The following RLF variants were observed in gnomAD, a reference collection of about 807,000 sequenced individuals.
RLF encodes zinc finger protein Rlf.
A neutral mutation model predicts 162.9 loss-of-function variants in RLF; 7 were observed. The observed-to-expected ratio is 0.04, with a 90% CI of 0.02 to 0.08. The LOEUF (loss-of-function observed/expected upper bound fraction) is 0.08. Among genes scored for constraint, RLF ranks in the 10% least tolerant of loss-of-function variants. The probability of loss-of-function intolerance (pLI) is 1.00; values close to 1 mark genes in which losing one functional copy is unlikely to be tolerated. For synonymous variants in RLF, 782 were observed against 791.5 expected, an observed-to-expected ratio of 0.99 and a Z score of 0.20; for missense variants, 1,664 against 2,244.7, an observed-to-expected ratio of 0.74 and a Z score of 5.23.
intron 6 of RLF, among the ~76,000 whole-genome samples, chr1:40,230,842 C>T (rs1341108085): frequency 6.6e-6 from 1 of 152,190 alleles, no homozygotes; most frequent in African/African-American, 2.4e-5. Flanking sequence ...CTATCCTTGG[C>T]ATTGTTGAGT....
rs760134779 is a variant in RLF at position 40,235,777 on chromosome 1, C to T, written c.1090-15C>T. On this transcript the variant is annotated splice_polypyrimidine_tract_variant and intron_variant, in intron 7 of 7. Coordinates refer to ENST00000372771, the MANE Select transcript of RLF (RefSeq NM_012421.4). Reference sequence around the variant, plus strand: ...TATGCAAAAAAATAATTTTTTTATCCTCTTTTACTTACAGGCACAAGATGC... The same window carrying T: ...TATGCAAAAAAATAATTTTTTTATCTTCTTTTACTTACAGGCACAAGATGC... 3.4e-6 allele frequency: 5 copies of T among 1,480,974 alleles called. No individual in the cohort carries two copies. In the South Asian group the frequency reaches 5.8e-5, roughly 17 times the overall value. 91.7% of individuals were successfully genotyped at this position (1,480,974 alleles called of 1,614,324 possible). A position where few individuals can be genotyped will look rare whatever the true frequency, so the allele number is the denominator to read the frequency against.
rs201248962 is a variant in RLF, at chr1:40,161,572, C to G, written c.173C>G (p.Thr58Arg). Residue 58 changes from threonine (T) to arginine (R), a missense_variant, in exon 1 of 8, where the codon ACA becomes AGA. Physicochemically the swap from Thr to Arg is moderately conservative, Grantham distance 71. Transcript: ENST00000372771. The surrounding 1 kb of genome is among the most constrained non-coding windows in gnomAD (Gnocchi z 4.4). ...GLRPCLWQLE[T>R]ELREQEVSEV... ...CGGCCGTGTCTGTGGCAGCTGGAGA[C>G]AGAGCTGAGGGAGCAAGAGGTGTCG... 1 of 1,612,590 alleles carries G rather than the reference C, an allele frequency of 6.2e-7. No individual in the cohort carries two copies. Among genetic ancestry groups the G allele is most frequent in the African/African-American group, 1.3e-5 (1 of 74,926 alleles).
At position 40,237,284 on chromosome 1, in the gene RLF, C is replaced by T; in HGVS notation, c.2582C>T (p.Thr861Ile). 6.2e-7 allele frequency: 1 copy of T among 1,614,076 alleles called. No homozygotes were observed. Residue 861 changes from threonine (T) to isoleucine (I), a missense_variant, in exon 8 of 8, where the codon ACT becomes ATT. This residue lies in a region of RLF where 295 missense variants were observed against 317.4 expected (regional missense o/e 0.93). Transcript: ENST00000372771. This position sits in a 1 kb window ranked among gnomAD's most constrained non-coding sequence, Gnocchi z 4.4. ...CINQPHLLNQ[T>I]DKSHLPEDLF... ...AATCAGCCCCATCTACTTAACCAAA[C>T]TGATAAATCACATTTACCTGAAGAT...
At chr1:40,194,968 G>T (rs889218598) in intron 3 of RLF, among the ~76,000 whole-genome samples, 12 of 150,546 alleles carry the variant, frequency 8.0e-5, no homozygotes, top group Admixed American at 1.3e-4. Flanking sequence ...CGAGTAGCTG[G>T]AACTATAGGT....
At chr1:40,186,430 A>G (rs1194211556) in intron 1 of RLF, among the ~76,000 whole-genome samples, 3 of 152,204 alleles carry the variant, frequency 2.0e-5, no homozygotes, top group Admixed American at 2.0e-4. Context: ...AAAAGTATAA[A>G]TTAGTATAGA....
At position 40,222,695 on chromosome 1, in the gene RLF, G is replaced by A. The variant is rs1643015214; in HGVS notation, c.932G>A (p.Ser311Asn). The change falls in exon 6 of 8, where the codon AGT (serine) becomes AAT (asparagine). Residue 311 changes from serine to asparagine, a missense_variant. Coordinates refer to ENST00000372771, the MANE Select transcript of RLF (RefSeq NM_012421.4). ...CTTACCCAGCAGCTCCAAACTGCAAGTGTATATTGTTCTTGGTAAGTATAT... is the reference window on the plus strand; with the variant it reads ...CTTACCCAGCAGCTCCAAACTGCAAATGTATATTGTTCTTGGTAAGTATAT... ...TYLTQQLQTA[S>N]VYCSWELTLF... 1 of 1,613,006 alleles carries A rather than the reference G, an allele frequency of 6.2e-7. No individual in the cohort carries two copies. The highest frequency in any genetic ancestry group is 1.3e-5 in the African/African-American group (1 of 74,906).
chr1:40,234,326 T>C (rs544335572), intron 7 of RLF, among the ~76,000 whole-genome samples: 1 of 151,888 alleles, frequency 6.6e-6, no homozygotes, highest in African/African-American at 2.4e-5. Context: ...GTGTTGGGGG[T>C]TTTTTGTCTA....
In RLF at chr1:40,239,449, C is replaced by G. The variant is rs754082641; in HGVS notation, c.4747C>G (p.Gln1583Glu). 7.2e-5 allele frequency: 116 copies of G among 1,613,826 alleles called. No homozygotes were observed. The Admixed American group carries it at 1.9e-3, about 26-fold the overall frequency. ...TCAGATGAGTAGTGCCTATTTAGAGCAACAGATGGAGAATCTTGTTGTTTG... is the reference window on the plus strand; with the variant it reads ...TCAGATGAGTAGTGCCTATTTAGAGGAACAGATGGAGAATCTTGTTGTTTG... ...THQMSSAYLE[Q>E]QMENLVVCVK... is the part of the protein sequence containing the mutation. The change falls in exon 8 of 8, where the codon CAA (glutamine) becomes GAA (glutamate). Residue 1583 changes from glutamine to glutamate, a missense_variant. Gln to Glu is a conservative substitution (Grantham distance 29). This residue lies in a region of RLF where 327 missense variants were observed against 342.7 expected (regional missense o/e 0.95). Coordinates refer to ENST00000372771, the MANE Select transcript of RLF (RefSeq NM_012421.4).
chr1:40,162,232 C>T (rs539682443), intron 1 of RLF, among the ~76,000 whole-genome samples: 447 of 139,768 alleles, frequency 3.2e-3, no homozygotes, highest in African/African-American at 0.011. Context: ...TTCTGTATTT[C>T]TTTGAGAGGA....
intron 3 of RLF, among the ~76,000 whole-genome samples, chr1:40,194,293 G>A (rs1384794911): frequency 2.0e-5 from 3 of 152,064 alleles, no homozygotes; most frequent in Admixed American, 2.0e-4. Context: ...AGAGGAACAG[G>A]CAGCCTGTGT....
rs79450554 is a variant in RLF at position 40,182,617 on chromosome 1, A to G, written c.238-6438A>G. On this transcript the variant is annotated intron_variant, in intron 1 of 7. Coordinates refer to ENST00000372771, the MANE Select transcript of RLF (RefSeq NM_012421.4). ...AAGGCATTTTTGAAAATTGAAAATG[A>G]AATAAAACTAGAAAGCATAGTTAAA... Among the ~76,000 whole-genome samples the G allele has an allele frequency of 5.6e-3, 855 of 152,300 alleles. 6 individuals are homozygous for G. Among genetic ancestry groups the G allele is most frequent in the African/African-American group, 0.02 (819 of 41,556 alleles).
In RLF at chr1:40,237,870, A is replaced by G. The variant is rs920021918; in HGVS notation, c.3168A>G (p.Thr1056=). ...SSICASKRPC[T]EDTMLELLLR... ...TTTGTGCTTCTAAAAGGCCCTGTAC[A>G]GAGGATACCATGTTGGAACTTCTGT... is the stretch of plus-strand genomic sequence containing the variant. Residue 1056 remains threonine, a synonymous_variant, in exon 8 of 8, where the codon ACA becomes ACG. Transcript: ENST00000372771. The surrounding 1 kb of genome is among the most constrained non-coding windows in gnomAD (Gnocchi z 4.4). 2 of 1,614,060 alleles carry G rather than the reference A, an allele frequency of 1.2e-6. No homozygotes were observed.
chr1:40,233,807 C>G (rs1431510888), intron 7 of RLF, among the ~76,000 whole-genome samples: 1 of 152,180 alleles, frequency 6.6e-6, no homozygotes, highest in African/African-American at 2.4e-5. Context: ...AGACTGAACT[C>G]TGTTCTACTC....
chr1:40,178,782 C>T (rs1274132749), intron 1 of RLF, among the ~76,000 whole-genome samples: 2 of 151,376 alleles, frequency 1.3e-5, no homozygotes, highest in Non-Finnish European at 2.9e-5. Flanking sequence ...CCTTGGCCTC[C>T]CAAAGTGCTG....
rs574604722 is a variant in RLF, at chr1:40,230,870, G to A, written c.948-647G>A. Among the ~76,000 whole-genome samples the A allele has an allele frequency of 3.3e-5, 5 of 151,978 alleles. No individual in the cohort carries two copies. In the East Asian group the frequency reaches 7.7e-4, roughly 23 times the overall value. On this transcript the variant is annotated intron_variant, in intron 6 of 7. Transcript: ENST00000372771. ...TGTTGAGTTTCTAATGCTTTTTTGCGTGAGTGTTTTACCCATTAAATGTTT... is the reference window on the plus strand; with the variant it reads ...TGTTGAGTTTCTAATGCTTTTTTGCATGAGTGTTTTACCCATTAAATGTTT...
At chr1:40,174,364 CTG>C (rs1642286633) in intron 1 of RLF, among the ~76,000 whole-genome samples, 1 of 148,564 alleles carries the variant, frequency 6.7e-6, no homozygotes, top group Admixed American at 6.6e-5. Context: ...GAGTGAGACT[CTG>C]TCTCAAAAAA....
At chr1:40,191,335 C>G (rs780456064) in intron 3 of RLF, among the ~76,000 whole-genome samples, 1 of 152,096 alleles carries the variant, frequency 6.6e-6, no homozygotes, top group Non-Finnish European at 1.5e-5. Flanking sequence ...GTCAGGAGTT[C>G]GAGACCAGCT....
chr1:40,208,725 G>A (rs1406956284), intron 5 of RLF, among the ~76,000 whole-genome samples: 3 of 152,356 alleles, frequency 2.0e-5, no homozygotes, highest in East Asian at 3.9e-4. Context: ...GCTGAGGTGG[G>A]AGGATTGCTT....
At chr1:40,179,888 T>C (rs185231365) in intron 1 of RLF, among the ~76,000 whole-genome samples, 133 of 152,350 alleles carry the variant, frequency 8.7e-4, no homozygotes, top group Middle Eastern at 3.4e-3. Context: ...CTTAATATAG[T>C]GTCCTCAAGA....
Sources: gnomAD v4.1 joint callset for allele counts (sites outside exome capture counted in the v4.1 genomes callset) on GRCh38, gnomAD v4.1.1 for gene constraint, gnomAD v4.1.1 regional missense constraint, Gnocchi (gnomAD v3.1) non-coding constraint, MANE v1.5 for transcripts, NCBI Gene and HGNC (gene_info 2026-07-23, HGNC 2026-07-21) for gene names.